CAPN5: variants seen among roughly 807,000 people sequenced by gnomAD.
CAPN5 encodes calpain-5.
CAPN5 carries 54 observed loss-of-function variants against 73.0 expected under a neutral mutation model. The ratio of observed to expected loss-of-function variants is 0.74; its 90% CI spans 0.59 to 0.93. CAPN5 has a LOEUF of 0.93. Ranked by LOEUF, CAPN5 falls within the 40% of genes least tolerant of loss-of-function variation. The pLI, the probability that CAPN5 is intolerant of heterozygous loss-of-function variation, is 0.00. For synonymous variants in CAPN5, 335 were observed against 356.9 expected (o/e 0.94, Z 0.69); for missense variants, 785 against 882.9 (o/e 0.89, Z 1.41).
intron 1 of CAPN5, among the ~76,000 whole-genome samples, chr11:77,072,224 C>A (rs1160041277): frequency 6.6e-6 from 1 of 152,236 alleles, no homozygotes; most frequent in Non-Finnish European, 1.5e-5. Context: ...CCAGAATAAT[C>A]TTTCCTCCCC....
chr11:77,085,008 A>T lies in CAPN5; in HGVS notation c.122A>T (p.Tyr41Phe). The change falls in exon 2 of 13, where the codon TAT (tyrosine) becomes TTT (phenylalanine). Residue 41 changes from tyrosine to phenylalanine, a missense_variant. Transcript: ENST00000648180. ...LFPATDDSLY[Y>F]KGTPGPAVRW... Reference sequence around the variant, plus strand: ...CCCGCCACTGACGACTCACTCTACTATAAGGGCACGCCGGGGCCCGCCGTC... The same window carrying T: ...CCCGCCACTGACGACTCACTCTACTTTAAGGGCACGCCGGGGCCCGCCGTC... 5 of 1,613,672 alleles carry T rather than the reference A, an allele frequency of 3.1e-6. No individual in the cohort carries two copies. Among genetic ancestry groups the T allele is most frequent in the Non-Finnish European group, 3.4e-6 (4 of 1,179,960 alleles).
rs552358856 is a variant in CAPN5 at position 77,071,262 on chromosome 11, C to T, written c.-36+4168C>T. The stretch of plus-strand genomic sequence containing the variant: ...AGGCTGGGCGCTGCTGTAGCCCTGG[C>T]CCCAGTGTGCAGCCTGAGCCCCTGG... On this transcript the variant is annotated intron_variant, in intron 1 of 12. Transcript: ENST00000648180. 3.3e-5 allele frequency among the ~76,000 whole-genome samples: 5 copies of T among 152,344 alleles called. No homozygotes were observed. The East Asian group carries it at 9.6e-4, about 29-fold the overall frequency.
At position 77,118,334 on chromosome 11, in the gene CAPN5, C is replaced by G. The variant is rs1320638942; in HGVS notation, c.1149C>G (p.Thr383=). 4 of 1,593,942 alleles carry G rather than the reference C, an allele frequency of 2.5e-6. No individual in the cohort carries two copies. The highest frequency in any genetic ancestry group is 3.4e-6 in the Non-Finnish European group (4 of 1,169,548). The part of the protein sequence containing the change: ...RGGGCINHKD[T]FFQNPQYIFE... Reference sequence around the variant, plus strand: ...GCGGCTGCATCAACCACAAGGACACCTTCTTCCAGAACCCACAGGTGGGCG... The same window carrying G: ...GCGGCTGCATCAACCACAAGGACACGTTCTTCCAGAACCCACAGGTGGGCG... The change falls in exon 8 of 13, where the codon ACC becomes ACG. Residue 383 remains threonine, a synonymous_variant. Transcript: ENST00000648180.
At chr11:77,112,961 G>A (rs1047931461) in intron 4 of CAPN5, 164 bp downstream of exon 4, 16 of 675,106 alleles carry the variant, frequency 2.4e-5, no homozygotes, top group Non-Finnish European at 3.8e-5. Context: ...ATAGTCAGCT[G>A]AGCCTGTGCT....
At chr11:77,102,723 G>A (rs1950298565) in intron 3 of CAPN5, 1 of 1,227,842 alleles carries the variant, frequency 8.1e-7, no homozygotes, top group Non-Finnish European at 1.1e-6. Context: ...GGCAAAGGGA[G>A]GGGAAGAGGG....
intron 3 of CAPN5, among the ~76,000 whole-genome samples, chr11:77,104,122 G>T (rs1950318858): frequency 6.6e-6 from 1 of 152,230 alleles, no homozygotes; most frequent in Non-Finnish European, 1.5e-5. Flanking sequence ...CATCATTGCT[G>T]CTGGTTCAAG....
intron 3 of CAPN5, among the ~76,000 whole-genome samples, chr11:77,106,729 C>G (rs1283316023): frequency 6.6e-5 from 10 of 152,230 alleles, no homozygotes; most frequent in Admixed American, 5.2e-4. Flanking sequence ...TCACCATAGA[C>G]ACACGGTCTC....
chr11:77,119,618 C>G (rs1950503644), intron 9 of CAPN5: 1 of 167,734 alleles, frequency 6.0e-6, no homozygotes, highest in African/African-American at 2.4e-5. Context: ...ACCGCCTGGC[C>G]TGGAACCTGA....
At chr11:77,107,509 CCTT>C (rs1178561472) in intron 3 of CAPN5, among the ~76,000 whole-genome samples, 105 of 150,862 alleles carry the variant, frequency 7.0e-4, no homozygotes, top group African/African-American at 2.2e-3. Context: ...CCGACCCCCT[CCTT>C]CTCCACTCTG....
intron 5 of CAPN5, among the ~76,000 whole-genome samples, chr11:77,114,714 G>A (rs529613243): frequency 6.6e-6 from 1 of 152,302 alleles, no homozygotes; most frequent in East Asian, 1.9e-4. Context: ...ACTTGCTCGT[G>A]TTTTGGATGA....
At chr11:77,091,760 G>T (rs1186089788) in intron 2 of CAPN5, among the ~76,000 whole-genome samples, 1 of 152,210 alleles carries the variant, frequency 6.6e-6, no homozygotes, top group Non-Finnish European at 1.5e-5. Flanking sequence ...ACAGCTGAGG[G>T]AACACAGGGT....
intron 1 of CAPN5, among the ~76,000 whole-genome samples, chr11:77,082,867 C>T (rs1303468568): frequency 1.3e-5 from 2 of 152,228 alleles, no homozygotes; most frequent in Non-Finnish European, 2.9e-5. Context: ...GGCTCAGAAA[C>T]ACTGGAATTG....
chr11:77,100,568 A>C (rs932533495), intron 3 of CAPN5, among the ~76,000 whole-genome samples: 4 of 151,942 alleles, frequency 2.6e-5, no homozygotes, highest in African/African-American at 9.7e-5. Context: ...CACCCACCTC[A>C]TCCCATCCCT....
intron 3 of CAPN5, among the ~76,000 whole-genome samples, chr11:77,110,446 G>C (rs1950400340): frequency 6.6e-6 from 1 of 152,142 alleles, no homozygotes; most frequent in Non-Finnish European, 1.5e-5. Context: ...GCACAGAGTT[G>C]ACAGAAAAGT....
intron 2 of CAPN5, among the ~76,000 whole-genome samples, chr11:77,092,488 C>T (rs1202940405): frequency 2.0e-5 from 3 of 152,208 alleles, no homozygotes; most frequent in Non-Finnish European, 2.9e-5. Context: ...CAGAGGGCAC[C>T]TGGTACTGGA....
chr11:77,081,114 A>G (rs1045909419), intron 1 of CAPN5, among the ~76,000 whole-genome samples: 1 of 152,154 alleles, frequency 6.6e-6, no homozygotes, highest in Non-Finnish European at 1.5e-5. Flanking sequence ...TGGGAACATC[A>G]ATGAGCTTGT....
chr11:77,114,835 T>C (rs559847720), intron 5 of CAPN5, among the ~76,000 whole-genome samples: 1 of 152,300 alleles, frequency 6.6e-6, no homozygotes, highest in African/African-American at 2.4e-5. Context: ...TAGCATTTGC[T>C]AATTACTGTG....
At chr11:77,102,630 G>T (rs1950297712) in intron 3 of CAPN5, among the ~76,000 whole-genome samples, 1 of 152,254 alleles carries the variant, frequency 6.6e-6, no homozygotes, top group Non-Finnish European at 1.5e-5. Flanking sequence ...GCTTCTGCGG[G>T]GACTGGAGTG....
intron 2 of CAPN5, among the ~76,000 whole-genome samples, 188 bp from the exon 3 acceptor site, chr11:77,093,494 G>C (rs1041003430): frequency 1.3e-5 from 2 of 152,208 alleles, no homozygotes; most frequent in African/African-American, 2.4e-5. Context: ...ACCGCGGGGT[G>C]GGGGGCAAGC....
Sources: gnomAD v4.1 joint callset for allele counts (sites outside exome capture counted in the v4.1 genomes callset) on GRCh38, gnomAD v4.1.1 for gene constraint, MANE v1.5 for transcripts, NCBI Gene and HGNC (gene_info 2026-07-23, HGNC 2026-07-21) for gene names.